Variants in CFAP299 observed in about 807,000 individuals in gnomAD.
CFAP299 encodes cilia- and flagella-associated protein 299.
CFAP299 carries 21 observed loss-of-function variants against 27.0 expected under a neutral mutation model. The observed-to-expected ratio is 0.78, with a 90% CI of 0.55 to 1.12. The LOEUF is 1.12. Among genes scored for constraint, CFAP299 ranks in the 50% most tolerant of loss-of-function variants. The pLI, the probability that CFAP299 is intolerant of heterozygous loss-of-function variation, is 0.00. For synonymous variants in CFAP299, 104 were observed against 98.1 expected (o/e 1.06, Z -0.36); for missense variants, 310 against 276.6 (o/e 1.12, Z -0.86).
chr4:80,883,657 A>G (rs1370190067), intron 4 of CFAP299, among the ~76,000 whole-genome samples: 1 of 152,154 alleles, frequency 6.6e-6, no homozygotes, highest in Non-Finnish European at 1.5e-5. Context: ...GACAAAATAG[A>G]CTTTATATAG....
At position 80,756,518 on chromosome 4, in the gene CFAP299, A is replaced by T. The variant is rs112421697; in HGVS notation, c.334-113475A>T. ...GTTATTTACATTATTAGGCTTTTGT[A>T]TAGACTACAAGCTAACAATGTTTCT... On this transcript the variant is annotated intron_variant, in intron 3 of 5. Transcript: ENST00000358105. Among the ~76,000 whole-genome samples the T allele has an allele frequency of 9.2e-3, 1,396 of 152,250 alleles. 21 individuals are homozygous for T. Among genetic ancestry groups the T allele is most frequent in the African/African-American group, 0.031 (1,287 of 41,554 alleles).
intron 3 of CFAP299, among the ~76,000 whole-genome samples, chr4:80,775,049 G>T (rs1380441654): frequency 6.9e-6 from 1 of 145,850 alleles, no homozygotes; most frequent in Non-Finnish European, 1.5e-5. Flanking sequence ...AAAACTTAAA[G>T]TATAATAATA....
intron 2 of CFAP299, among the ~76,000 whole-genome samples, chr4:80,496,789 C>T (rs1223985927): frequency 6.6e-6 from 1 of 152,122 alleles, no homozygotes; most frequent in African/African-American, 2.4e-5. Context: ...ACAGGCTATA[C>T]AGGAAGCATA....
rs529621459 is a variant in CFAP299, at chr4:80,342,751, T to C, written c.111+6872T>C. ...CACAGTACACCAACTAATGACACTA[T>C]GAAGCAACCACATAAACAAGTCTGC... On this transcript the variant is annotated intron_variant, in intron 1 of 5. Coordinates refer to ENST00000358105, the MANE Select transcript of CFAP299 (RefSeq NM_152770.3). Among the ~76,000 whole-genome samples the C allele has an allele frequency of 3.9e-5, 6 of 152,216 alleles. No homozygotes were observed. In the South Asian group the frequency reaches 1.0e-3, roughly 26 times the overall value.
At chr4:80,796,899 G>T (rs1578131958) in intron 3 of CFAP299, among the ~76,000 whole-genome samples, 1 of 152,124 alleles carries the variant, frequency 6.6e-6, no homozygotes, top group African/African-American at 2.4e-5. Flanking sequence ...ACCAATGTGG[G>T]CATTCTGTCA....
intron 2 of CFAP299, among the ~76,000 whole-genome samples, chr4:80,494,895 C>T (rs1290533254): frequency 6.6e-6 from 1 of 152,172 alleles, no homozygotes; most frequent in African/African-American, 2.4e-5. Context: ...ACAGGCCCCA[C>T]ACAAGTTCAA....
chr4:80,924,328 G>A (rs929565131), intron 4 of CFAP299, among the ~76,000 whole-genome samples: 2 of 151,726 alleles, frequency 1.3e-5, no homozygotes, highest in Non-Finnish European at 2.9e-5. Context: ...AAAGACCACA[G>A]TATCTGCTGT....
chr4:80,753,783 G>A (rs975754528), intron 3 of CFAP299, among the ~76,000 whole-genome samples: 1 of 151,970 alleles, frequency 6.6e-6, no homozygotes, highest in Admixed American at 6.6e-5. Flanking sequence ...GGAACCATTT[G>A]AAGGCACTTC....
intron 2 of CFAP299, among the ~76,000 whole-genome samples, chr4:80,474,446 T>G (rs996064271): frequency 3.3e-5 from 5 of 152,236 alleles, no homozygotes; most frequent in Non-Finnish European, 7.3e-5. Context: ...AAATTCATTT[T>G]TTATTTGAAA....
chr4:80,872,543 A>G (rs1284809213), intron 4 of CFAP299: 2 of 152,112 alleles, frequency 1.3e-5, no homozygotes, highest in African/African-American at 4.8e-5. Context: ...TGTAGAGATT[A>G]TACCAAATTA....
At chr4:80,884,379 A>G (rs1301690254) in intron 4 of CFAP299, among the ~76,000 whole-genome samples, 1 of 152,190 alleles carries the variant, frequency 6.6e-6, no homozygotes, top group Non-Finnish European at 1.5e-5. Flanking sequence ...ACCCACAAAT[A>G]AGTGGAATAT....
intron 3 of CFAP299, among the ~76,000 whole-genome samples, chr4:80,584,143 G>A (rs1418978845): frequency 6.6e-6 from 1 of 151,994 alleles, no homozygotes; most frequent in East Asian, 1.9e-4. Context: ...AAAAGGGTGA[G>A]GATGGAAATA....
At chr4:80,578,978 A>G (rs909757439) in intron 2 of CFAP299, among the ~76,000 whole-genome samples, 1 of 152,198 alleles carries the variant, frequency 6.6e-6, no homozygotes, top group Non-Finnish European at 1.5e-5. Flanking sequence ...TTTTCCAGAA[A>G]AGTGAACAAA....
chr4:80,567,731 TTATA>T (rs10605376), intron 2 of CFAP299, among the ~76,000 whole-genome samples: 118,191 of 148,754 alleles, frequency 0.79, 47,116 homozygotes, highest in East Asian at 0.89. Flanking sequence ...TCTAATGTAT[TTATA>T]TATATATATA....
chr4:80,349,799 A>G (rs1267695141), intron 1 of CFAP299, among the ~76,000 whole-genome samples: 1 of 152,230 alleles, frequency 6.6e-6, no homozygotes, highest in Non-Finnish European at 1.5e-5. Context: ...AAACACTTGA[A>G]TGGTTAGCAT....
intron 3 of CFAP299, among the ~76,000 whole-genome samples, chr4:80,811,765 A>G (rs1729166252): frequency 6.6e-6 from 1 of 152,080 alleles, no homozygotes; most frequent in Non-Finnish European, 1.5e-5. Context: ...AGACGTGGGG[A>G]GGTTAATCTT....
At chr4:80,653,777 C>A (rs567510856) in intron 3 of CFAP299, among the ~76,000 whole-genome samples, 1 of 152,270 alleles carries the variant, frequency 6.6e-6, no homozygotes, top group South Asian at 2.1e-4. Flanking sequence ...TTGTCTATCA[C>A]TTGAAATACT....
chr4:80,878,623 T>G (rs778929859), intron 4 of CFAP299, among the ~76,000 whole-genome samples: 2 of 152,194 alleles, frequency 1.3e-5, no homozygotes, highest in Non-Finnish European at 2.9e-5. Context: ...TGTTTTTCTG[T>G]TTTTTTCTTT....
intron 2 of CFAP299, among the ~76,000 whole-genome samples, chr4:80,377,817 G>C (rs151066317): frequency 6.6e-4 from 100 of 152,222 alleles, no homozygotes; most frequent in African/African-American, 2.3e-3. Flanking sequence ...ACATACTTGA[G>C]ACTGGGAAGA....
Sources: gnomAD v4.1 joint callset for allele counts (sites outside exome capture counted in the v4.1 genomes callset) on GRCh38, gnomAD v4.1.1 for gene constraint, MANE v1.5 for transcripts, NCBI Gene and HGNC (gene_info 2026-07-23, HGNC 2026-07-21) for gene names.